The following NCKAP1 variants were observed in gnomAD, a reference collection of about 807,000 sequenced individuals.
The protein encoded by NCKAP1 is nck-associated protein 1.
Under a neutral mutation model 151.2 loss-of-function variants are expected in NCKAP1, and 21 were observed. The observed-to-expected ratio is 0.14, with a 90% CI of 0.10 to 0.20. The LOEUF is 0.20. NCKAP1 is among the 10% of genes least tolerant of loss of function. The probability of loss-of-function intolerance (pLI) is 1.00; values close to 1 mark genes in which losing one functional copy is unlikely to be tolerated. For missense variants in NCKAP1, 933 were observed against 1,352.1 expected (o/e 0.69, Z 4.86); for synonymous variants, 484 against 451.8 (o/e 1.07, Z -0.90).
intron 23 of NCKAP1, among the ~76,000 whole-genome samples, chr2:182,949,913 T>A (rs1379648155): frequency 6.6e-6 from 1 of 152,252 alleles, no homozygotes; most frequent in Non-Finnish European, 1.5e-5. Flanking sequence ...ACTGCATTTA[T>A]ACTCTAGTGA....
rs376392398 is a variant in NCKAP1, at chr2:182,928,136, C to T, written c.3161G>A (p.Arg1054His). ...FTIHKGSIED[R>H]LKEFLALASS... is the part of the protein sequence containing the mutation. ...ACATACCGCCAGAAATTCTTTAAGA[C>T]GGTCTTCAATGCTTCCTTTGTGAAT... The change falls in exon 29 of 31, where the codon CGT (arginine) becomes CAT (histidine). Residue 1054 changes from arginine to histidine, a missense_variant. By Grantham distance (29) the Arg-to-His change is conservative (BLOSUM62 0). This residue lies in a region of NCKAP1 where 326 missense variants were observed against 557.1 expected (regional missense o/e 0.59). Transcript: ENST00000361354. The T allele has an allele frequency of 4.4e-6, 7 of 1,607,176 alleles. No homozygotes were observed. Among genetic ancestry groups the T allele is most frequent in the African/African-American group, 1.3e-5 (1 of 74,672 alleles).
At chr2:183,007,078 G>A (rs914424419) in intron 2 of NCKAP1, among the ~76,000 whole-genome samples, 2 of 152,002 alleles carry the variant, frequency 1.3e-5, no homozygotes, top group Non-Finnish European at 2.9e-5. Context: ...TCACCGTGTC[G>A]GTCAGGCTGG....
chr2:182,953,385 A>G, intron 20 of NCKAP1, 54 bp from the exon 21 acceptor site: 1 of 1,241,712 alleles, frequency 8.1e-7, no homozygotes, highest in Non-Finnish European at 1.1e-6. Context: ...CCATTCATGT[A>G]AAATAAACCA....
intron 15 of NCKAP1, among the ~76,000 whole-genome samples, chr2:182,973,143 G>A (rs1188731288): frequency 6.6e-6 from 1 of 151,848 alleles, no homozygotes; most frequent in Non-Finnish European, 1.5e-5. Context: ...AATATCACAT[G>A]TACCCCCATA....
At chr2:182,947,785 T>C (rs957303246) in intron 23 of NCKAP1, among the ~76,000 whole-genome samples, 3 of 152,204 alleles carry the variant, frequency 2.0e-5, no homozygotes, top group Admixed American at 2.0e-4. Context: ...GAATAACTTT[T>C]AGAGATTTAT....
At chr2:183,032,145 T>C (rs1699016247) in intron 1 of NCKAP1, among the ~76,000 whole-genome samples, 1 of 152,198 alleles carries the variant, frequency 6.6e-6, no homozygotes, top group South Asian at 2.1e-4. Context: ...TATGTATCCC[T>C]GGCTAGGAAC....
At chr2:183,032,756 T>C (rs1699028653) in intron 1 of NCKAP1, among the ~76,000 whole-genome samples, 1 of 152,122 alleles carries the variant, frequency 6.6e-6, no homozygotes. Context: ...ATTGAAAATA[T>C]CATAAATCAG....
chr2:182,951,563 G>A (rs1200122482), intron 23 of NCKAP1, among the ~76,000 whole-genome samples: 1 of 149,646 alleles, frequency 6.7e-6, no homozygotes, highest in Non-Finnish European at 1.5e-5. Context: ...CAGCTACTTC[G>A]GAGGTGGAAG....
intron 2 of NCKAP1, among the ~76,000 whole-genome samples, chr2:183,009,239 A>T (rs554600548): frequency 5.3e-5 from 8 of 151,930 alleles, no homozygotes; most frequent in Non-Finnish European, 1.2e-4. Flanking sequence ...CCGGCATGGC[A>T]GGTTAGCCAC....
At chr2:182,971,461 T>C (rs1697690326) in intron 15 of NCKAP1, among the ~76,000 whole-genome samples, 1 of 144,250 alleles carries the variant, frequency 6.9e-6, no homozygotes, top group African/African-American at 2.5e-5. Context: ...TTGCTAAACA[T>C]ACCACCCAAA....
At chr2:183,000,211 G>A (rs1358929201) in intron 6 of NCKAP1, among the ~76,000 whole-genome samples, 3 of 151,992 alleles carry the variant, frequency 2.0e-5, no homozygotes, top group Non-Finnish European at 2.9e-5. Context: ...AAGGTATCAC[G>A]GAATATTAGA....
chr2:182,972,050 C>CA (rs1156577692), intron 15 of NCKAP1, among the ~76,000 whole-genome samples: 1 of 151,314 alleles, frequency 6.6e-6, no homozygotes, highest in Non-Finnish European at 1.5e-5. Flanking sequence ...TGAACAAAAG[C>CA]AAAAAAATGG....
Position 182,911,312 on chromosome 2 carries a change from G to C in NCKAP1, c.*14390C>G, listed in dbSNP as rs986934880. On this transcript the variant is annotated 3_prime_UTR_variant, in exon 31 of 31. Coordinates refer to ENST00000361354, the MANE Select transcript of NCKAP1 (RefSeq NM_013436.5). ...CTCTGCTTCACCTTTTGATGTCAGA[G>C]GGCTGAAAATCCCACCCTTGGATCA... 2 of 152,146 alleles carry C rather than the reference G, an allele frequency of 1.3e-5. No homozygotes were observed. Among genetic ancestry groups the C allele is most frequent in the African/African-American group, 4.8e-5 (2 of 41,424 alleles). 9.4% of individuals were successfully genotyped at this position (152,146 alleles called of 1,614,324 possible). A position where few individuals can be genotyped will look rare whatever the true frequency, so the allele number is the denominator to read the frequency against.
At chr2:182,933,605 C>T (rs1376200637) in intron 26 of NCKAP1, among the ~76,000 whole-genome samples, 1 of 151,840 alleles carries the variant, frequency 6.6e-6, no homozygotes, top group Non-Finnish European at 1.5e-5. Flanking sequence ...GTTGGTCGGG[C>T]TGGTCTCGAA....
chr2:183,031,382 G>A (rs746156626), intron 1 of NCKAP1, among the ~76,000 whole-genome samples: 4 of 152,150 alleles, frequency 2.6e-5, no homozygotes, highest in Non-Finnish European at 5.9e-5. Flanking sequence ...GTTTTTTAAA[G>A]TATATATATT....
At chr2:182,983,227 A>G in intron 11 of NCKAP1, 59 bp downstream of exon 11, 1 of 1,342,030 alleles carries the variant, frequency 7.5e-7, no homozygotes, top group Non-Finnish European at 1.0e-6. Context: ...TTTCACTTAG[A>G]AACGTTTTTT....
At chr2:182,972,939 G>A (rs1013660754) in intron 15 of NCKAP1, among the ~76,000 whole-genome samples, 2 of 152,076 alleles carry the variant, frequency 1.3e-5, no homozygotes, top group Non-Finnish European at 2.9e-5. Context: ...TGGTTAATGG[G>A]TACAAAAGTA....
intron 2 of NCKAP1, among the ~76,000 whole-genome samples, chr2:183,015,901 G>A (rs1156619927): frequency 2.0e-5 from 3 of 150,520 alleles, no homozygotes; most frequent in Admixed American, 2.0e-4. Context: ...CTATATTAAA[G>A]TTAAAAAAGG....
chr2:182,975,296 A>G (rs149904794), intron 15 of NCKAP1, among the ~76,000 whole-genome samples: 101 of 152,322 alleles, frequency 6.6e-4, no homozygotes, highest in African/African-American at 2.3e-3. Context: ...TGGTATTTCA[A>G]GTGTACTTCC....
Sources: allele counts gnomAD v4.1 joint callset (sites outside exome capture counted in the v4.1 genomes callset), GRCh38; gene constraint gnomAD v4.1.1; regional missense constraint gnomAD v4.1.1; transcripts MANE v1.5; gene names NCBI Gene and HGNC (gene_info 2026-07-23, HGNC 2026-07-21).